Variants in DISC1 observed in about 807,000 individuals in gnomAD.
DISC1 encodes disrupted in schizophrenia 1 protein.
In DISC1, 57 loss-of-function variants were observed where a neutral mutation model predicts 84.5. That is an observed-to-expected ratio of 0.67 (90% CI 0.55 to 0.84). DISC1 has a LOEUF of 0.84. DISC1 is among the 40% of genes least tolerant of loss of function. The pLI, the probability that DISC1 is intolerant of heterozygous loss-of-function variation, is 0.00. For missense variants in DISC1, 1,000 were observed against 1,057.8 expected (o/e 0.95, Z 0.76); for synonymous variants, 411 against 415.2 (o/e 0.99, Z 0.12).
At chr1:231,671,612 C>T (rs1186719544) in intron 1 of DISC1, among the ~76,000 whole-genome samples, 1 of 152,200 alleles carries the variant, frequency 6.6e-6, no homozygotes, top group Non-Finnish European at 1.5e-5. Context: ...TCCTTAAGAA[C>T]TGGAGAAGGT....
intron 1 of DISC1, among the ~76,000 whole-genome samples, chr1:231,669,660 A>G (rs922625425): frequency 7.2e-5 from 11 of 152,196 alleles, no homozygotes; most frequent in Non-Finnish European, 1.2e-4. Flanking sequence ...GTGTAAATCA[A>G]AACCACAGTG....
At chr1:231,815,050 A>T (rs1273522444) in intron 8 of DISC1, 1 of 151,606 alleles carries the variant, frequency 6.6e-6, no homozygotes, top group Non-Finnish European at 1.5e-5. Context: ...TATTATTGTG[A>T]TTATGGTTAC....
intron 9 of DISC1, among the ~76,000 whole-genome samples, chr1:231,888,880 T>C (rs555155634): frequency 6.6e-6 from 1 of 152,190 alleles, no homozygotes; most frequent in African/African-American, 2.4e-5. Context: ...TCCTGGGCAC[T>C]TTCCCCTGAG....
intron 11 of DISC1, among the ~76,000 whole-genome samples, chr1:232,010,513 C>G (rs1048561178): frequency 1.3e-5 from 2 of 152,166 alleles, no homozygotes; most frequent in African/African-American, 4.8e-5. Context: ...AGGACTGATT[C>G]AGCAGAGATC....
At chr1:231,700,987 G>A (rs555154513) in intron 2 of DISC1, among the ~76,000 whole-genome samples, 1 of 152,264 alleles carries the variant, frequency 6.6e-6, no homozygotes, top group East Asian at 1.9e-4. Context: ...TGGGTCTCCT[G>A]TTGAGAAGAA....
At chr1:232,020,362 A>C (rs973832356) in intron 11 of DISC1, among the ~76,000 whole-genome samples, 41 of 152,264 alleles carry the variant, frequency 2.7e-4, no homozygotes, top group Middle Eastern at 3.4e-3. Context: ...AAATAAATAA[A>C]AAATAAAAGG....
At chr1:231,953,282 G>T (rs1190026195) in intron 9 of DISC1, among the ~76,000 whole-genome samples, 1 of 152,152 alleles carries the variant, frequency 6.6e-6, no homozygotes, top group Non-Finnish European at 1.5e-5. Context: ...GGTTTTAGGG[G>T]TTCATGGTTG....
chr1:231,763,661 T>G lies in DISC1; in HGVS notation c.1269-3479T>G, dbSNP rs945351922. ...ACCATGGTTGGTTGGTTCACTTATT[T>G]CGTAAGTGTCAAGTTAAGACTCAGC... On this transcript the variant is annotated intron_variant, in intron 4 of 12. Coordinates refer to ENST00000439617, the MANE Select transcript of DISC1 (RefSeq NM_018662.3). Among the ~76,000 whole-genome samples the G allele has an allele frequency of 2.0e-5, 3 of 152,238 alleles. No homozygotes were observed. In the South Asian group the frequency reaches 6.2e-4, roughly 31 times the overall value.
chr1:231,942,694 G>GA (rs976976913), intron 9 of DISC1, among the ~76,000 whole-genome samples: 4 of 151,568 alleles, frequency 2.6e-5, no homozygotes, highest in South Asian at 4.2e-4. Context: ...AAATAAAAAA[G>GA]AAAAAAAAGA....
intron 4 of DISC1, among the ~76,000 whole-genome samples, chr1:231,764,440 T>C (rs182694861): frequency 1.3e-5 from 2 of 152,326 alleles, no homozygotes; most frequent in Admixed American, 6.5e-5. Context: ...TAAGAGCTGA[T>C]AGCATTTTGG....
intron 1 of DISC1, among the ~76,000 whole-genome samples, chr1:231,639,576 C>T (rs1389014140): frequency 1.3e-5 from 2 of 152,192 alleles, no homozygotes; most frequent in Non-Finnish European, 2.9e-5. Flanking sequence ...TAGTTAACCA[C>T]AACCGGCTGA....
intron 3 of DISC1, chr1:231,723,527 T>C (rs368408056): frequency 5.6e-5 from 55 of 985,400 alleles, no homozygotes; most frequent in Middle Eastern, 1.0e-3. Context: ...CATCAAAGGT[T>C]AAATTTCATA....
In DISC1 at chr1:231,902,075, G is replaced by T. The variant is rs189641299; in HGVS notation, c.1982-56753G>T. Among the ~76,000 whole-genome samples the T allele has an allele frequency of 2.0e-5, 3 of 151,960 alleles. No homozygotes were observed. In the East Asian group the frequency reaches 5.8e-4, roughly 29 times the overall value. ...ATATTTATTATACATATTAGGTCTT[G>T]TCCTCATAAAATCAGTACATTATGG... On this transcript the variant is annotated intron_variant, in intron 9 of 12. Transcript: ENST00000439617.
chr1:231,809,229 A>G (rs1282746835), intron 8 of DISC1, among the ~76,000 whole-genome samples: 1 of 152,158 alleles, frequency 6.6e-6, no homozygotes, highest in Non-Finnish European at 1.5e-5. Flanking sequence ...TTCCCGTTAC[A>G]GTCACCACAT....
chr1:231,704,368 T>C (rs939370053), intron 3 of DISC1, among the ~76,000 whole-genome samples: 2 of 152,076 alleles, frequency 1.3e-5, no homozygotes, highest in African/African-American at 4.8e-5. Context: ...AGAAATTGGC[T>C]TATGTGAAAA....
intron 9 of DISC1, among the ~76,000 whole-genome samples, chr1:231,868,692 T>TTTTATATATATATATATATATA (rs2085227096): frequency 3.7e-5 from 4 of 108,842 alleles, no homozygotes; most frequent in Non-Finnish European, 5.7e-5. Flanking sequence ...ACCCCATCTC[T>TTTTATATATATATATATATATA]TATATATATA....
At chr1:231,726,152 A>G (rs1010767337) in intron 3 of DISC1, among the ~76,000 whole-genome samples, 1 of 152,174 alleles carries the variant, frequency 6.6e-6, no homozygotes, top group Admixed American at 6.5e-5. Context: ...ACAGCCCCAA[A>G]ATAACATTTT....
intron 12 of DISC1, among the ~76,000 whole-genome samples, chr1:232,032,208 A>G (rs926630444): frequency 4.6e-5 from 7 of 152,080 alleles, no homozygotes; most frequent in Non-Finnish European, 7.4e-5. Context: ...AACTTGTTCT[A>G]TTGTTTCTTT....
rs781124394 is a variant in DISC1 at position 232,009,532 on chromosome 1, C to A, written c.2307+483C>A. 7 of 827,850 alleles carry A rather than the reference C, an allele frequency of 8.5e-6. No individual in the cohort carries two copies. Among genetic ancestry groups the A allele is most frequent in the Non-Finnish European group, 1.0e-5 (7 of 687,232 alleles). The allele number at this position is 827,850 out of a possible 1,614,324, so 51.3% of individuals were successfully genotyped here. ...GAAACATTCAAATATATGTATTTAT[C>A]CCATTAATTGTTTTTACCAAAACCA... On this transcript the variant is annotated intron_variant, in intron 11 of 12. Coordinates refer to ENST00000439617, the MANE Select transcript of DISC1 (RefSeq NM_018662.3). The surrounding 1 kb of genome is among the most constrained non-coding windows in gnomAD (Gnocchi z 4.6).
Sources: gnomAD v4.1 joint callset for allele counts (sites outside exome capture counted in the v4.1 genomes callset) on GRCh38, gnomAD v4.1.1 for gene constraint, Gnocchi (gnomAD v3.1) non-coding constraint, MANE v1.5 for transcripts, NCBI Gene and HGNC (gene_info 2026-07-23, HGNC 2026-07-21) for gene names.